The following ARHGAP12 variants were observed in gnomAD, a reference collection of about 807,000 sequenced individuals.
The protein encoded by ARHGAP12 is rho GTPase-activating protein 12.
A neutral mutation model predicts 108.6 loss-of-function variants in ARHGAP12; 64 were observed. The ratio of observed to expected loss-of-function variants is 0.59; its 90% CI spans 0.48 to 0.73. ARHGAP12 has a LOEUF of 0.73. ARHGAP12 is among the 30% of genes least tolerant of loss of function. ARHGAP12 has a pLI of 0.00. For missense variants in ARHGAP12, 940 were observed against 1,005.9 expected, an observed-to-expected ratio of 0.93 and a Z score of 0.89; for synonymous variants, 312 against 337.2, an observed-to-expected ratio of 0.93 and a Z score of 0.82.
intron 6 of ARHGAP12, among the ~76,000 whole-genome samples, chr10:31,845,501 T>C (rs1007769969): frequency 6.6e-6 from 1 of 152,122 alleles, no homozygotes. Context: ...AAAGTGATTT[T>C]CATCTGGGCT....
At chr10:31,918,090 G>C (rs1271807370) in intron 1 of ARHGAP12, among the ~76,000 whole-genome samples, 1 of 151,886 alleles carries the variant, frequency 6.6e-6, no homozygotes, top group African/African-American at 2.4e-5. Context: ...TGAGTAGCTA[G>C]GACTACAGGT....
At chr10:31,886,095 T>G (rs1838178102) in intron 3 of ARHGAP12, among the ~76,000 whole-genome samples, 1 of 152,240 alleles carries the variant, frequency 6.6e-6, no homozygotes, top group Non-Finnish European at 1.5e-5. Flanking sequence ...TTAAACCATC[T>G]GCTTGGCATT....
In ARHGAP12 at chr10:31,811,117, T is replaced by C. The variant is rs1266730689; in HGVS notation, c.1952-370A>G. Among the ~76,000 whole-genome samples the C allele has an allele frequency of 4.6e-5, 7 of 152,340 alleles. No homozygotes were observed. In the East Asian group the frequency reaches 1.3e-3, roughly 29 times the overall value. On this transcript the variant is annotated intron_variant, in intron 15 of 19. Transcript: ENST00000344936. ...ACCCAGTTCTAGACACATTCTATTT[T>C]ATTACTGTGTTAGATTCACAGCATT...
At chr10:31,823,467 ACT>A (rs1835488614) in intron 11 of ARHGAP12, among the ~76,000 whole-genome samples, 1 of 146,852 alleles carries the variant, frequency 6.8e-6, no homozygotes, top group African/African-American at 2.6e-5. Context: ...TTAACCATCC[ACT>A]CTCTGCCAAA....
At chr10:31,811,684 T>TA (rs58348960) in intron 15 of ARHGAP12, among the ~76,000 whole-genome samples, 38 of 147,708 alleles carry the variant, frequency 2.6e-4, no homozygotes, top group African/African-American at 8.5e-4. Flanking sequence ...TATTTTATTT[T>TA]TTTTAAGACA....
chr10:31,828,980 C>T (rs1208163988), intron 10 of ARHGAP12, among the ~76,000 whole-genome samples: 1 of 152,072 alleles, frequency 6.6e-6, no homozygotes, highest in Non-Finnish European at 1.5e-5. Flanking sequence ...GGTGAAACCC[C>T]GTCTCTACTA....
chr10:31,882,926 T>C (rs1346470341), intron 3 of ARHGAP12, among the ~76,000 whole-genome samples: 1 of 151,952 alleles, frequency 6.6e-6, no homozygotes, highest in Non-Finnish European at 1.5e-5. Flanking sequence ...GATATCCCTC[T>C]TACTAAGGAA....
intron 3 of ARHGAP12, among the ~76,000 whole-genome samples, chr10:31,892,408 G>A (rs1426708459): frequency 6.6e-6 from 1 of 152,124 alleles, no homozygotes; most frequent in Non-Finnish European, 1.5e-5. Flanking sequence ...ATAAAGGGAT[G>A]GAGGAAGATC....
chr10:31,852,829 C>A (rs973956528), intron 5 of ARHGAP12, among the ~76,000 whole-genome samples: 3 of 145,506 alleles, frequency 2.1e-5, no homozygotes, highest in African/African-American at 7.7e-5. Flanking sequence ...GCAGTTCAAG[C>A]AATTCTCCCG....
intron 3 of ARHGAP12, among the ~76,000 whole-genome samples, chr10:31,885,482 C>T (rs939078632): frequency 6.6e-6 from 1 of 152,006 alleles, no homozygotes; most frequent in Non-Finnish European, 1.5e-5. Flanking sequence ...GCCTACTTTC[C>T]AACAACTTTT....
chr10:31,844,281 T>TTCCTA (rs1836370545), intron 6 of ARHGAP12, among the ~76,000 whole-genome samples: 1 of 152,216 alleles, frequency 6.6e-6, no homozygotes, highest in South Asian at 2.1e-4. Context: ...CAAGAAATCT[T>TTCCTA]TCCTACTCTG....
At position 31,879,750 on chromosome 10, in the gene ARHGAP12, T is replaced by G. The variant is rs540653364; in HGVS notation, c.685-18092A>C. ...ATAGTCTATCAGGCTGACACTAAGCTGGCAATTTTTAAATCAGATAAATTC... is the reference window on the plus strand; with the variant it reads ...ATAGTCTATCAGGCTGACACTAAGCGGGCAATTTTTAAATCAGATAAATTC... On this transcript the variant is annotated intron_variant, in intron 3 of 19. Coordinates refer to ENST00000344936, the MANE Select transcript of ARHGAP12 (RefSeq NM_018287.7). 1.2e-4 allele frequency among the ~76,000 whole-genome samples: 19 copies of G among 152,328 alleles called. No individual in the cohort carries two copies. The South Asian group carries it at 3.7e-3, about 30-fold the overall frequency.
intron 9 of ARHGAP12, among the ~76,000 whole-genome samples, chr10:31,832,567 G>A (rs534852304): frequency 4.6e-5 from 7 of 152,298 alleles, no homozygotes; most frequent in Admixed American, 3.9e-4. Flanking sequence ...TAATTAAAAT[G>A]AGCTGAGTCC....
At chr10:31,920,464 A>G (rs1400111056) in intron 1 of ARHGAP12, among the ~76,000 whole-genome samples, 3 of 151,096 alleles carry the variant, frequency 2.0e-5, no homozygotes, top group Non-Finnish European at 4.4e-5. Flanking sequence ...AAAAAAAAAA[A>G]AAAAAAAGAA....
At chr10:31,829,267 C>T (rs1366539895) in intron 10 of ARHGAP12, among the ~76,000 whole-genome samples, 2 of 152,060 alleles carry the variant, frequency 1.3e-5, no homozygotes, top group African/African-American at 2.4e-5. Context: ...TATCATTCCA[C>T]CAATACAAAA....
chr10:31,814,874 T>C (rs1018392782), intron 13 of ARHGAP12, among the ~76,000 whole-genome samples: 1 of 151,804 alleles, frequency 6.6e-6, no homozygotes, highest in East Asian at 2.0e-4. Flanking sequence ...AGCAAAGACT[T>C]TGGGAGGCCA....
chr10:31,892,436 A>T (rs1838487819), intron 3 of ARHGAP12, among the ~76,000 whole-genome samples: 1 of 152,182 alleles, frequency 6.6e-6, no homozygotes, highest in Non-Finnish European at 1.5e-5. Flanking sequence ...CAAACAGAAA[A>T]CAAAAAAAAG....
intron 9 of ARHGAP12, 67 bp from the exon 10 acceptor site, chr10:31,831,867 C>A: frequency 2.1e-6 from 2 of 958,312 alleles, no homozygotes; most frequent in South Asian, 1.9e-5. Flanking sequence ...TTACACATGA[C>A]TGAACCAACA....
At chr10:31,838,692 G>A (rs1435803980) in intron 9 of ARHGAP12, among the ~76,000 whole-genome samples, 4 of 151,866 alleles carry the variant, frequency 2.6e-5, no homozygotes, top group South Asian at 2.1e-4. Context: ...TTAGCCAGGT[G>A]TTGTGGCGCA....
Sources: gnomAD v4.1 joint callset for allele counts (sites outside exome capture counted in the v4.1 genomes callset) on GRCh38, gnomAD v4.1.1 for gene constraint, MANE v1.5 for transcripts, NCBI Gene and HGNC (gene_info 2026-07-23, HGNC 2026-07-21) for gene names.